The following PPM1H variants were observed in gnomAD, a reference collection of about 807,000 sequenced individuals.
The protein encoded by PPM1H is protein phosphatase, Mg2+/Mn2+ dependent 1H.
A neutral mutation model predicts 54.9 loss-of-function variants in PPM1H; 27 were observed. The ratio of observed to expected loss-of-function variants is 0.49; its 90% CI spans 0.36 to 0.68. PPM1H has a LOEUF of 0.68. Among genes scored for constraint, PPM1H ranks in the 30% least tolerant of loss-of-function variants. The pLI is 0.00. For missense variants in PPM1H, 596 were observed against 667.8 expected (o/e 0.89, Z 1.19); for synonymous variants, 305 against 270.8 (o/e 1.13, Z -1.24).
chr12:62,663,354 A>G (rs1157231362), intron 9 of PPM1H, among the ~76,000 whole-genome samples: 12 of 152,128 alleles, frequency 7.9e-5, no homozygotes, highest in East Asian at 5.8e-4. Context: ...AATTTATAAA[A>G]TATATATGTA....
chr12:62,841,333 A>G (rs962110402), intron 1 of PPM1H, among the ~76,000 whole-genome samples: 1 of 152,212 alleles, frequency 6.6e-6, no homozygotes, highest in Admixed American at 6.5e-5. Context: ...AATGATTTTT[A>G]TATTTTAAGT....
intron 1 of PPM1H, among the ~76,000 whole-genome samples, chr12:62,906,189 T>C (rs530039493): frequency 4.6e-5 from 7 of 152,356 alleles, no homozygotes; most frequent in Admixed American, 2.6e-4. Flanking sequence ...AATGTACTAG[T>C]ACTATATTAC....
chr12:62,851,140 C>A (rs1364493307), intron 1 of PPM1H, among the ~76,000 whole-genome samples: 1 of 152,044 alleles, frequency 6.6e-6, no homozygotes, highest in Non-Finnish European at 1.5e-5. Context: ...AATACTACTC[C>A]CCACTGAAAG....
chr12:62,793,740 C>CAAAAAA (rs34457644), intron 3 of PPM1H, among the ~76,000 whole-genome samples: 1 of 61,220 alleles, frequency 1.6e-5, no homozygotes, highest in Non-Finnish European at 3.2e-5. Context: ...AACTCCGTTT[C>CAAAAAA]AAAAAAAAAA....
intron 8 of PPM1H, among the ~76,000 whole-genome samples, chr12:62,685,501 C>T (rs1206440443): frequency 1.3e-5 from 2 of 152,170 alleles, no homozygotes; most frequent in African/African-American, 4.8e-5. Context: ...AACTGTATAA[C>T]TTTGGGGGTT....
chr12:62,735,109 G>C (rs1229784800), intron 5 of PPM1H, among the ~76,000 whole-genome samples: 1 of 152,160 alleles, frequency 6.6e-6, no homozygotes, highest in African/African-American at 2.4e-5. Flanking sequence ...GAAGGCAAAG[G>C]CTTCATACCC....
intron 4 of PPM1H, among the ~76,000 whole-genome samples, chr12:62,772,696 C>T (rs184688643): frequency 1.3e-3 from 193 of 152,242 alleles, no homozygotes; most frequent in Admixed American, 2.2e-3. Flanking sequence ...TTCTGGAAAA[C>T]CACTTTCCTT....
At chr12:62,702,881 G>A (rs2076151923) in intron 6 of PPM1H, among the ~76,000 whole-genome samples, 1 of 152,174 alleles carries the variant, frequency 6.6e-6, no homozygotes, top group South Asian at 2.1e-4. Context: ...AGCACACCAG[G>A]CTTGGGGTCA....
intron 6 of PPM1H, among the ~76,000 whole-genome samples, chr12:62,713,772 C>T (rs1024984396): frequency 6.6e-5 from 10 of 152,026 alleles, no homozygotes; most frequent in African/African-American, 2.2e-4. Flanking sequence ...AGTTTGAGAC[C>T]AGTCTAGGCA....
At chr12:62,787,361 C>T (rs2120700540) in intron 4 of PPM1H, among the ~76,000 whole-genome samples, 1 of 152,320 alleles carries the variant, frequency 6.6e-6, no homozygotes, top group South Asian at 2.1e-4. Context: ...ACTTTTACTA[C>T]TTTCGGAATA....
chr12:62,897,627 A>G (rs1402749502), intron 1 of PPM1H, among the ~76,000 whole-genome samples: 3 of 152,080 alleles, frequency 2.0e-5, no homozygotes. Flanking sequence ...TGACAGCCCC[A>G]ATAGCTGGAA....
At chr12:62,736,731 A>G (rs547321216) in intron 5 of PPM1H, among the ~76,000 whole-genome samples, 1 of 152,258 alleles carries the variant, frequency 6.6e-6, no homozygotes, top group Non-Finnish European at 1.5e-5. Flanking sequence ...TGTTGTCTAC[A>G]AAGAAATCCA....
rs547584589 is a variant in PPM1H, at chr12:62,652,942, C to A, written c.1398-4306G>T. Among the ~76,000 whole-genome samples, 100 of 152,078 alleles carry A rather than the reference C, an allele frequency of 6.6e-4. No homozygotes were observed. In the Middle Eastern group the frequency reaches 0.01, roughly 16 times the overall value. ...AATGGTCTGTGAGTGGTAAGCTCACCTAGTCTTTGGATTAAGAAAATCTTT... is the reference window on the plus strand; with the variant it reads ...AATGGTCTGTGAGTGGTAAGCTCACATAGTCTTTGGATTAAGAAAATCTTT... On this transcript the variant is annotated intron_variant, in intron 9 of 9. Coordinates refer to ENST00000228705, the MANE Select transcript of PPM1H (RefSeq NM_020700.2).
At chr12:62,779,402 G>A (rs1302161637) in intron 4 of PPM1H, among the ~76,000 whole-genome samples, 2 of 152,174 alleles carry the variant, frequency 1.3e-5, no homozygotes, top group Non-Finnish European at 2.9e-5. Flanking sequence ...TCCTTGCTAG[G>A]TAGAATGCAG....
rs1211698621 is a variant in PPM1H at position 62,730,831 on chromosome 12, C to CGT, written c.954+6670_954+6671insAC. Among the ~76,000 whole-genome samples, 7 of 152,184 alleles carry CGT rather than the reference C, an allele frequency of 4.6e-5. No homozygotes were observed. The East Asian group carries it at 1.2e-3, about 25-fold the overall frequency. On this transcript the variant is annotated intron_variant, in intron 5 of 9. Coordinates refer to ENST00000228705, the MANE Select transcript of PPM1H (RefSeq NM_020700.2). Reference sequence around the variant, plus strand: ...ATGTCAGCCAAACCACTGGTGATCACTAACAGTCACGCTAACAGTCAAATG... The same window carrying CGT: ...ATGTCAGCCAAACCACTGGTGATCACGTTAACAGTCACGCTAACAGTCAAATG...
chr12:62,673,570 T>C (rs1292162692), intron 8 of PPM1H, among the ~76,000 whole-genome samples: 1 of 152,096 alleles, frequency 6.6e-6, no homozygotes, highest in African/African-American at 2.4e-5. Context: ...AACTGGTTTT[T>C]CCCTTTTAAG....
intron 9 of PPM1H, chr12:62,659,142 A>C (rs1418943795): frequency 1.4e-6 from 1 of 734,986 alleles, no homozygotes; most frequent in East Asian, 2.6e-5. Flanking sequence ...CAAGAACTGC[A>C]AAGCCGTTGT....
chr12:62,659,511 C>T (rs1195438932), intron 9 of PPM1H, among the ~76,000 whole-genome samples: 1 of 152,120 alleles, frequency 6.6e-6, no homozygotes, highest in Non-Finnish European at 1.5e-5. Flanking sequence ...ACAGCACATT[C>T]TGGAGGGGGA....
chr12:62,664,228 T>A (rs910022079), intron 9 of PPM1H, among the ~76,000 whole-genome samples: 2 of 152,214 alleles, frequency 1.3e-5, no homozygotes, highest in Admixed American at 6.5e-5. Flanking sequence ...ATAATAGTCA[T>A]TTCTGGCAGG....
Sources: allele counts gnomAD v4.1 joint callset (sites outside exome capture counted in the v4.1 genomes callset), GRCh38; gene constraint gnomAD v4.1.1; transcripts MANE v1.5; gene names NCBI Gene and HGNC (gene_info 2026-07-23, HGNC 2026-07-21).